CHD7: variants seen among roughly 807,000 people sequenced by gnomAD.
CHD7 encodes the protein chromodomain helicase DNA binding protein 7, also known as ATP-dependent chromatin remodeler CHD7.
Under a neutral mutation model 307.3 loss-of-function variants are expected in CHD7, and 24 were observed. That is an observed-to-expected ratio of 0.08 (90% CI 0.06 to 0.11). The LOEUF is 0.11. Ranked by LOEUF, CHD7 falls within the 10% of genes least tolerant of loss-of-function variation. CHD7 has a pLI of 1.00. For missense variants in CHD7, 3,106 were observed against 3,727.1 expected, an observed-to-expected ratio of 0.83 and a Z score of 4.34; for synonymous variants, 1,363 against 1,349.9, an observed-to-expected ratio of 1.01 and a Z score of -0.21.
Position 60,742,277 on chromosome 8 carries a change from A to C in CHD7, c.845A>C (p.Gln282Pro). The stretch of plus-strand genomic sequence containing the variant: ...AGATTCTCCCCGAATCCTCCCCAAC[A>C]AGGGGCTGTTAGGCCGCAAACCCTT... ...SPRFSPNPPQ[Q>P]GAVRPQTLNF... Residue 282 changes from glutamine (Q) to proline (P), a missense_variant, in exon 2 of 38, where the codon CAA (glutamine) becomes CCA (proline). Coordinates refer to ENST00000423902, the MANE Select transcript of CHD7 (RefSeq NM_017780.4). The C allele has an allele frequency of 6.2e-7, 1 of 1,613,672 alleles. No homozygotes were observed. Among genetic ancestry groups the C allele is most frequent in the South Asian group, 1.1e-5 (1 of 91,044 alleles).
rs529799008 is a variant in CHD7 at position 60,856,817 on chromosome 8, C to T, written c.7537C>T (p.Arg2513Trp). ...TGGAGAGCCTCCCATGAAGAGGAGG[C>T]GGGGAAGGAGGAAAAATGTGGAGGG... ...VDGEPPMKRR[R>W]GRRKNVEGLD... Residue 2513 changes from arginine to tryptophan, a missense_variant, in exon 34 of 38, where the codon CGG (arginine) becomes TGG (tryptophan). By Grantham distance (101) the Arg-to-Trp change is moderately radical. Coordinates refer to ENST00000423902, the MANE Select transcript of CHD7 (RefSeq NM_017780.4). 6.9e-6 allele frequency: 11 copies of T among 1,597,074 alleles called. No individual in the cohort carries two copies. Among genetic ancestry groups the T allele is most frequent in the Admixed American group, 3.5e-5 (2 of 57,270 alleles).
chr8:60,765,254 CAT>C (rs2067568571), intron 2 of CHD7, among the ~76,000 whole-genome samples: 2 of 151,402 alleles, frequency 1.3e-5, no homozygotes, highest in East Asian at 3.9e-4. Flanking sequence ...TGCACACACA[CAT>C]GTATTTATAT....
At chr8:60,733,067 T>C (rs995314558) in intron 1 of CHD7, among the ~76,000 whole-genome samples, 4 of 151,702 alleles carry the variant, frequency 2.6e-5, no homozygotes, top group African/African-American at 9.7e-5. Context: ...AGACTTTGTT[T>C]CCCAGGAAAA....
In CHD7 at chr8:60,861,024, G is replaced by A; in HGVS notation, c.7729G>A (p.Gly2577Arg). The A allele has an allele frequency of 6.2e-7, 1 of 1,613,982 alleles. No individual in the cohort carries two copies. The highest frequency in any genetic ancestry group is 1.1e-5 in the South Asian group (1 of 91,086). Residue 2577 changes from glycine (G) to arginine (R), a missense_variant, in exon 35 of 38, where the codon GGG (glycine) becomes AGG (arginine). Gly to Arg is a moderately radical substitution (Grantham distance 125, BLOSUM62 -2). This residue lies in a region of CHD7 where 1,030 missense variants were observed against 1,165.4 expected (regional missense o/e 0.88). Coordinates refer to ENST00000423902, the MANE Select transcript of CHD7 (RefSeq NM_017780.4). ...TRIPVINLED[G>R]TRLVGEDAPK... is the part of the protein sequence containing the mutation. ...GATCCCTGTTATCAATCTTGAAGATGGGACTAGGCTGGTGGGGGAAGATGC... is the reference window on the plus strand; with the variant it reads ...GATCCCTGTTATCAATCTTGAAGATAGGACTAGGCTGGTGGGGGAAGATGC...
chr8:60,839,765 T>G (rs900692539), intron 19 of CHD7, among the ~76,000 whole-genome samples: 3 of 152,244 alleles, frequency 2.0e-5, no homozygotes, highest in African/African-American at 7.2e-5. Context: ...TTCAAGTTCT[T>G]TGTTCATTTT....
intron 1 of CHD7, among the ~76,000 whole-genome samples, chr8:60,688,229 G>A (rs1461129790): frequency 6.6e-6 from 1 of 152,234 alleles, no homozygotes; most frequent in African/African-American, 2.4e-5. Context: ...ACAGATACGG[G>A]TGTGAATCAT....
At chr8:60,862,848 C>A (rs1458176717) in intron 37 of CHD7, 196 bp downstream of exon 37, 4 of 532,562 alleles carry the variant, frequency 7.5e-6, no homozygotes, top group Middle Eastern at 4.9e-4. Context: ...TTTATCAGCT[C>A]CAATTTAAAA....
At chr8:60,690,127 AC>A (rs1806122461) in intron 1 of CHD7, among the ~76,000 whole-genome samples, 1 of 152,142 alleles carries the variant, frequency 6.6e-6, no homozygotes, top group African/African-American at 2.4e-5. Flanking sequence ...AAATAGGTAT[AC>A]AGTTCAAATG....
chr8:60,827,459 T>TA (rs1003861595), intron 13 of CHD7, among the ~76,000 whole-genome samples: 3 of 149,252 alleles, frequency 2.0e-5, no homozygotes, highest in Non-Finnish European at 4.5e-5. Context: ...TGATGGGACT[T>TA]AAAAAAAAAA....
At chr8:60,721,452 A>T (rs1363715988) in intron 1 of CHD7, among the ~76,000 whole-genome samples, 3 of 152,186 alleles carry the variant, frequency 2.0e-5, no homozygotes, top group Non-Finnish European at 1.5e-5. Flanking sequence ...GTGAAAAATA[A>T]GTTTCCGTTT....
At chr8:60,747,290 C>A (rs1161272036) in intron 2 of CHD7, among the ~76,000 whole-genome samples, 2 of 151,970 alleles carry the variant, frequency 1.3e-5, no homozygotes, top group African/African-American at 4.8e-5. Context: ...GTTGGCCAGG[C>A]TGGTCTCAAA....
chr8:60,682,566 C>T (rs1805684408), intron 1 of CHD7, among the ~76,000 whole-genome samples: 1 of 152,130 alleles, frequency 6.6e-6, no homozygotes, highest in South Asian at 2.1e-4. Context: ...GTTTGCTTGC[C>T]ACACAGTCAC....
chr8:60,685,888 G>C (rs1805859568), intron 1 of CHD7, among the ~76,000 whole-genome samples: 1 of 152,134 alleles, frequency 6.6e-6, no homozygotes, highest in Non-Finnish European at 1.5e-5. Flanking sequence ...CTTTTTTAGG[G>C]AAGTGTTTGT....
intron 1 of CHD7, among the ~76,000 whole-genome samples, chr8:60,708,443 A>G (rs534552394): frequency 6.2e-4 from 94 of 152,120 alleles, no homozygotes; most frequent in African/African-American, 2.1e-3. Context: ...TCCTGCAGAG[A>G]CTTCTCAGTC....
At chr8:60,710,218 A>G (rs967262780) in intron 1 of CHD7, among the ~76,000 whole-genome samples, 2 of 148,908 alleles carry the variant, frequency 1.3e-5, no homozygotes, top group Admixed American at 1.4e-4. Flanking sequence ...TTCTTGTGCA[A>G]ACTTTGAAAT....
intron 29 of CHD7, 106 bp from the exon 30 acceptor site, chr8:60,852,392 C>T (rs1159275993): frequency 7.6e-7 from 1 of 1,311,980 alleles, no homozygotes; most frequent in Non-Finnish European, 1.0e-6. Flanking sequence ...TTTCCCCACC[C>T]CCAAATAACT....
intron 21 of CHD7, 129 bp from the exon 22 acceptor site, chr8:60,844,735 T>C: frequency 1.4e-6 from 1 of 705,530 alleles, no homozygotes; most frequent in South Asian, 2.3e-5. Context: ...CCTGGATTTC[T>C]TTCCTATCAC....
intron 1 of CHD7, among the ~76,000 whole-genome samples, chr8:60,683,477 G>T (rs1027302823): frequency 2.0e-5 from 3 of 152,184 alleles, no homozygotes; most frequent in African/African-American, 7.2e-5. Flanking sequence ...AATTGTAAAT[G>T]AAATCACATC....
chr8:60,771,514 A>C (rs1316265147), intron 2 of CHD7, among the ~76,000 whole-genome samples: 1 of 152,224 alleles, frequency 6.6e-6, no homozygotes, highest in African/African-American at 2.4e-5. Context: ...GATTAGGGAT[A>C]CTCACTCTGT....
Sources: allele counts gnomAD v4.1 joint callset (sites outside exome capture counted in the v4.1 genomes callset), GRCh38; gene constraint gnomAD v4.1.1; regional missense constraint gnomAD v4.1.1; transcripts MANE v1.5; gene names NCBI Gene and HGNC (gene_info 2026-07-23, HGNC 2026-07-21).